The following ZNHIT3 variants were observed in gnomAD, a reference collection of about 807,000 sequenced individuals.
ZNHIT3 encodes zinc finger HIT-type containing 3.
Under a neutral mutation model 19.9 loss-of-function variants are expected in ZNHIT3, and 27 were observed. The observed-to-expected ratio is 1.36, with a 90% confidence interval of 1.00 to 1.87. The LOEUF (loss-of-function observed/expected upper bound fraction) is 1.87, where lower values mean the gene tolerates loss of function less well. ZNHIT3 is among the 40% of genes most tolerant of loss of function. The pLI, the probability that ZNHIT3 is intolerant of heterozygous loss-of-function variation, is 0.00. For missense variants in ZNHIT3, 215 were observed against 185.6 expected, an observed-to-expected ratio of 1.16 and a Z score of -0.92; for synonymous variants, 81 against 65.7, an observed-to-expected ratio of 1.23 and a Z score of -1.13.
At chr17:36,499,239 C>T, downstream of ZNHIT3, 2 of 981,188 alleles carry the variant, frequency 2.0e-6, no homozygotes, top group East Asian at 5.4e-5. Flanking sequence ...GCAGCAGCAC[C>T]ACAGTTGCTG....
chr17:36,487,765 T>G (rs2070612241), intron 2 of ZNHIT3, among the ~76,000 whole-genome samples: 1 of 147,274 alleles, frequency 6.8e-6, no homozygotes, highest in Non-Finnish European at 1.5e-5. Flanking sequence ...CACTCCAGCC[T>G]GGGCTACAGA....
At chr17:36,494,043 A>G (rs757004595) in intron 4 of ZNHIT3, 37 bp downstream of exon 4, 2 of 1,487,418 alleles carry the variant, frequency 1.3e-6, no homozygotes, top group East Asian at 2.3e-5. Flanking sequence ...GTTGAGATAC[A>G]TTTACTGTGT....
downstream of ZNHIT3, chr17:36,497,943 G>A: frequency 3.0e-6 from 1 of 331,098 alleles, no homozygotes; most frequent in Non-Finnish European, 5.5e-6. Flanking sequence ...GGTTCTCACA[G>A]TGTGGTTCAT....
At chr17:36,496,338 G>C (rs923972776), downstream of ZNHIT3, 12 of 1,613,986 alleles carry the variant, frequency 7.4e-6, no homozygotes, top group Non-Finnish European at 1.0e-5. Flanking sequence ...TAATGCTGTA[G>C]GGTGAAGGTT....
At position 36,495,441 on chromosome 17, in the gene ZNHIT3, G is replaced by C. The variant is rs1404385829; in HGVS notation, c.*37G>C. 1.3e-6 allele frequency: 2 copies of C among 1,538,104 alleles called. No individual in the cohort carries two copies. The highest frequency in any genetic ancestry group is 8.7e-7 in the Non-Finnish European group (1 of 1,144,130). ...GTGCTGCTTGCTCAAGCGTGTGCTT[G>C]ACTCCTGGAACCTGCCTGCTCCCTC... On this transcript the variant is annotated 3_prime_UTR_variant, in exon 5 of 5. Transcript: ENST00000617429.
chr17:36,487,650 C>T (rs2070607480), intron 2 of ZNHIT3, among the ~76,000 whole-genome samples: 1 of 151,434 alleles, frequency 6.6e-6, no homozygotes, highest in South Asian at 2.1e-4. Flanking sequence ...AAAAATTAGG[C>T]GGGCGAGGTG....
Position 36,487,043 on chromosome 17 carries a change from T to A in ZNHIT3, c.118+77T>A, listed in dbSNP as rs928033479. Reference sequence around the variant, plus strand: ...ACGTCCAGCCTCCGTCTTGGGGGCGTGGACCCTTGGGCTGCGCTTCCTTTC... The same window carrying A: ...ACGTCCAGCCTCCGTCTTGGGGGCGAGGACCCTTGGGCTGCGCTTCCTTTC... On this transcript the variant is annotated intron_variant, in intron 2 of 4. Coordinates refer to ENST00000617429, the MANE Select transcript of ZNHIT3 (RefSeq NM_004773.4). 3.2e-6 allele frequency: 5 copies of A among 1,570,528 alleles called. No homozygotes were observed. The African/African-American group carries it at 6.9e-5, about 22-fold the overall frequency.
downstream of ZNHIT3, chr17:36,498,205 G>A: frequency 6.5e-7 from 1 of 1,548,866 alleles, no homozygotes; most frequent in African/African-American, 1.3e-5. Flanking sequence ...CTGTGAACTT[G>A]TAGGCTTTGC....
chr17:36,492,260 GCC>G (rs1567715774), intron 2 of ZNHIT3: 1 of 154,082 alleles, frequency 6.5e-6, no homozygotes, highest in African/African-American at 2.4e-5. Flanking sequence ...GGATCCTCCT[GCC>G]TCAGCCTCCC....
chr17:36,495,457 CTGCTCCCTCTCCCAGACCAGCT>C lies in ZNHIT3; in HGVS notation c.*54_*75del. Reference sequence around the variant, plus strand: ...CGTGTGCTTGACTCCTGGAACCTGCCTGCTCCCTCTCCCAGACCAGCTAGTTTGGGGCTGGGGAGCTCAGGCA... The same window carrying C: ...CGTGTGCTTGACTCCTGGAACCTGCCAGTTTGGGGCTGGGGAGCTCAGGCA... On this transcript the variant is annotated 3_prime_UTR_variant, in exon 5 of 5. Coordinates refer to ENST00000617429, the MANE Select transcript of ZNHIT3 (RefSeq NM_004773.4). The C allele has an allele frequency of 6.6e-7, 1 of 1,503,786 alleles. No homozygotes were observed. Among genetic ancestry groups the C allele is most frequent in the Non-Finnish European group, 8.9e-7 (1 of 1,128,886 alleles). 93.2% of individuals were successfully genotyped at this position (1,503,786 alleles called of 1,614,324 possible). A position where few individuals can be genotyped will look rare whatever the true frequency, so the allele number is the denominator to read the frequency against.
chr17:36,498,391 C>T (rs538391929), downstream of ZNHIT3: 4 of 1,614,014 alleles, frequency 2.5e-6, no homozygotes, highest in South Asian at 1.1e-5. Context: ...TGAAAGCTGC[C>T]TACACCCATA....
downstream of ZNHIT3, chr17:36,496,350 AG>A (rs2070965651): frequency 6.2e-7 from 1 of 1,613,890 alleles, no homozygotes; most frequent in Non-Finnish European, 8.5e-7. Context: ...GTGAAGGTTC[AG>A]GGCAGATGTC....
intron 3 of ZNHIT3, 125 bp from the exon 4 acceptor site, chr17:36,493,801 C>T: frequency 2.9e-6 from 2 of 683,850 alleles, no homozygotes; most frequent in Non-Finnish European, 5.2e-6. Flanking sequence ...TCTGTACCTG[C>T]TTGAATACCC....
At position 36,495,683 on chromosome 17, in the gene ZNHIT3, C is replaced by T. The variant is rs374059988; in HGVS notation, c.*279C>T. The T allele has an allele frequency of 3.2e-4, 411 of 1,265,140 alleles. 1 individual carries two copies. The African/African-American group carries it at 5.5e-3, about 17-fold the overall frequency. The allele number at this position is 1,265,140 out of a possible 1,614,324, so 78.4% of individuals were successfully genotyped here. ...TGGTACAGTTGATAGACATCATAAA[C>T]GATATCAAGCTTACACTTCATATGG... On this transcript the variant is annotated 3_prime_UTR_variant, in exon 5 of 5. Transcript: ENST00000617429.
In ZNHIT3 at chr17:36,495,231, G is replaced by A. The variant is rs772327880; in HGVS notation, c.295G>A (p.Ala99Thr). ...TTCTTGTTAATTTTTAGGGGAATCT[G>A]CAACATTAAGAAGCTTATTGCTCAA... ...LQNLKNLGES[A>T]TLRSLLLNPH... The change falls in exon 5 of 5, where the codon GCA becomes ACA. Residue 99 changes from alanine (A) to threonine (T), a missense_variant. Ala to Thr is a moderately conservative substitution (Grantham distance 58). Transcript: ENST00000617429. The A allele has an allele frequency of 6.4e-7, 1 of 1,567,614 alleles. No homozygotes were observed. The highest frequency in any genetic ancestry group is 1.4e-5 in the African/African-American group (1 of 72,278).
chr17:36,491,488 G>T (rs189801701), intron 2 of ZNHIT3: 1 of 151,988 alleles, frequency 6.6e-6, no homozygotes, highest in African/African-American at 2.4e-5. Context: ...TCTATTTTTC[G>T]TAGAGACAGG....
In ZNHIT3 at chr17:36,493,830, C is replaced by T. The variant is rs190970661; in HGVS notation, c.206-96C>T. ...AATACCCCTATCACTATCACATGTG[C>T]GTGCACACATTTTTATCCTGTTCAA... On this transcript the variant is annotated intron_variant, in intron 3 of 4. Transcript: ENST00000617429. 8.3e-5 allele frequency: 68 copies of T among 822,494 alleles called. 1 individual carries two copies. Among genetic ancestry groups the T allele is most frequent in the South Asian group, 1.3e-4 (9 of 68,174 alleles). 50.9% of individuals were successfully genotyped at this position (822,494 alleles called of 1,614,324 possible).
chr17:36,498,832 G>A (rs1357513871), downstream of ZNHIT3: 1 of 593,502 alleles, frequency 1.7e-6, no homozygotes, highest in Non-Finnish European at 3.0e-6. Flanking sequence ...GTCTTCTAAA[G>A]TGTACATCCC....
chr17:36,495,828 G>C, downstream of ZNHIT3: 1 of 1,241,398 alleles, frequency 8.1e-7, no homozygotes, highest in Non-Finnish European at 1.0e-6. Flanking sequence ...CTAAAGTTTT[G>C]TTCCTTTTTA....
Sources: gnomAD v4.1 joint callset for allele counts (sites outside exome capture counted in the v4.1 genomes callset) on GRCh38, gnomAD v4.1.1 for gene constraint, MANE v1.5 for transcripts, NCBI Gene and HGNC (gene_info 2026-07-23, HGNC 2026-07-21) for gene names.